Variants in UNC13C observed in about 807,000 individuals in gnomAD.
UNC13C encodes the protein protein unc-13 homolog C.
In UNC13C, 174 loss-of-function variants were observed where a neutral mutation model predicts 245.4. The ratio of observed to expected loss-of-function variants is 0.71; its 90% CI spans 0.63 to 0.80. The LOEUF is 0.80. Among genes scored for constraint, UNC13C ranks in the 30% least tolerant of loss-of-function variants. The pLI, the probability that UNC13C is intolerant of heterozygous loss-of-function variation, is 0.00. For synonymous variants in UNC13C, 992 were observed against 895.1 expected, an observed-to-expected ratio of 1.11 and a Z score of -1.93; for missense variants, 2,829 against 2,602.9, an observed-to-expected ratio of 1.09 and a Z score of -1.89.
intron 14 of UNC13C, 133 bp from the exon 15 acceptor site, chr15:54,331,910 T>C (rs913579484): frequency 1.1e-5 from 6 of 546,562 alleles, no homozygotes. Context: ...ATAGTAACTT[T>C]ATGATCTTGG....
At chr15:54,064,983 T>A (rs1300388164) in intron 2 of UNC13C, among the ~76,000 whole-genome samples, 1 of 152,246 alleles carries the variant, frequency 6.6e-6, no homozygotes, top group African/African-American at 2.4e-5. Flanking sequence ...ATATTACTTT[T>A]GTTATAGAAA....
chr15:54,470,146 T>G (rs1892383976), intron 19 of UNC13C, among the ~76,000 whole-genome samples: 1 of 151,682 alleles, frequency 6.6e-6, no homozygotes, highest in Admixed American at 6.6e-5. Context: ...AATGTACTGC[T>G]GAATATAGTT....
intron 2 of UNC13C, among the ~76,000 whole-genome samples, chr15:54,088,425 C>T (rs560352981): frequency 6.6e-6 from 1 of 152,178 alleles, no homozygotes; most frequent in Non-Finnish European, 1.5e-5. Flanking sequence ...GTTTTTAATC[C>T]ACATCGGTGA....
chr15:54,474,284 A>T (rs1230951517), intron 19 of UNC13C, among the ~76,000 whole-genome samples: 4 of 152,026 alleles, frequency 2.6e-5, no homozygotes, highest in Non-Finnish European at 4.4e-5. Context: ...ACTAATTTAC[A>T]TTCCTACCAA....
Position 54,522,490 on chromosome 15 carries a change from AAAC to A in UNC13C, c.5458-3038_5458-3036del, listed in dbSNP as rs372205345. ...GAGATTCTGTCTCAAAAACAAAACA[AAAC>A]AACAACAACAACAACAACAAAAAGT... On this transcript the variant is annotated intron_variant, in intron 24 of 32. Transcript: ENST00000260323. 5.9e-5 allele frequency among the ~76,000 whole-genome samples: 9 copies of A among 151,814 alleles called. No individual in the cohort carries two copies. The South Asian group carries it at 6.2e-4, about 11-fold the overall frequency.
intron 2 of UNC13C, chr15:54,049,477 G>A: frequency 5.2e-6 from 2 of 382,956 alleles, no homozygotes; most frequent in Admixed American, 7.4e-5. Flanking sequence ...AACTAAGTGT[G>A]CAGAGTTCAA....
chr15:54,203,826 A>ATTTATATACACATTC, intron 4 of UNC13C, among the ~76,000 whole-genome samples: 1 of 147,838 alleles, frequency 6.8e-6, no homozygotes, highest in African/African-American at 2.5e-5. Flanking sequence ...ATATACGTGT[A>ATTTATATACACATTC]TGTATATACA....
At chr15:54,366,944 A>G (rs1250251095) in intron 17 of UNC13C, among the ~76,000 whole-genome samples, 2 of 152,132 alleles carry the variant, frequency 1.3e-5, no homozygotes, top group African/African-American at 4.8e-5. Context: ...TAGACCAGGA[A>G]TTGTTGAGCT....
chr15:54,235,758 G>A (rs1323789815), intron 5 of UNC13C, among the ~76,000 whole-genome samples: 1 of 152,170 alleles, frequency 6.6e-6, no homozygotes. Flanking sequence ...GGCTGAGGCA[G>A]GAGAATGGCG....
At chr15:53,920,809 AC>A in the UNC13C span, among the ~76,000 whole-genome samples, 2 of 150,288 alleles carry the variant, frequency 1.3e-5, no homozygotes, top group African/African-American at 2.5e-5. Context: ...TAGAACAGTG[AC>A]CAAAAAGACA....
chr15:54,053,810 T>G (rs1897376915), intron 2 of UNC13C, among the ~76,000 whole-genome samples: 1 of 152,186 alleles, frequency 6.6e-6, no homozygotes, highest in African/African-American at 2.4e-5. Context: ...TCCTAGCTTC[T>G]GGTAACCACC....
intron 4 of UNC13C, among the ~76,000 whole-genome samples, chr15:54,190,409 G>T (rs977164628): frequency 2.6e-5 from 4 of 152,066 alleles, no homozygotes; most frequent in African/African-American, 9.7e-5. Flanking sequence ...TCCTTAGGGA[G>T]AGCTCACTTT....
chr15:54,505,173 CCT>C (rs1894415874), intron 22 of UNC13C, among the ~76,000 whole-genome samples: 1 of 152,080 alleles, frequency 6.6e-6, no homozygotes, highest in Non-Finnish European at 1.5e-5. Flanking sequence ...CTGTTTGTTC[CCT>C]CTGTCTGCAC....
At chr15:54,594,209 C>T (rs146142325) in intron 30 of UNC13C, among the ~76,000 whole-genome samples, 341 of 152,226 alleles carry the variant, frequency 2.2e-3, no homozygotes, top group African/African-American at 7.8e-3. Context: ...TGGATACCAG[C>T]GCCTGTTCCA....
At chr15:54,090,971 A>T (rs1899537747) in intron 2 of UNC13C, among the ~76,000 whole-genome samples, 1 of 150,098 alleles carries the variant, frequency 6.7e-6, no homozygotes, top group Non-Finnish European at 1.5e-5. Flanking sequence ...GAGAGATGAG[A>T]TGCTCTTGGT....
rs550503954 is a variant in UNC13C, at chr15:54,051,215, C to A, written c.2983+35329C>A. Among the ~76,000 whole-genome samples, 3 of 152,018 alleles carry A rather than the reference C, an allele frequency of 2.0e-5. No individual in the cohort carries two copies. In the South Asian group the frequency reaches 6.2e-4, roughly 32 times the overall value. On this transcript the variant is annotated intron_variant, in intron 2 of 32. Transcript: ENST00000260323. ...TCAGGTTATAAAGGAATGGATCCAA[C>A]TTTTTTTTCTAATATTTTTATAACT...
At chr15:54,247,517 G>A (rs546724383) in intron 7 of UNC13C, among the ~76,000 whole-genome samples, 13 of 152,004 alleles carry the variant, frequency 8.6e-5, no homozygotes, top group East Asian at 1.9e-4. Flanking sequence ...GAGTGTTTTC[G>A]TATGGCATTT....
At chr15:54,521,057 G>A (rs1895195567) in intron 24 of UNC13C, among the ~76,000 whole-genome samples, 1 of 152,172 alleles carries the variant, frequency 6.6e-6, no homozygotes, top group Admixed American at 6.5e-5. Context: ...AAGGGAAAGA[G>A]ATAATTGATG....
chr15:53,998,232 A>G (rs932736488), intron 1 of UNC13C, among the ~76,000 whole-genome samples: 4 of 152,200 alleles, frequency 2.6e-5, no homozygotes, highest in African/African-American at 7.2e-5. Context: ...TATTAAATCT[A>G]TAGATCACTT....
Sources: gnomAD v4.1 joint callset for allele counts (sites outside exome capture counted in the v4.1 genomes callset) on GRCh38, gnomAD v4.1.1 for gene constraint, MANE v1.5 for transcripts, NCBI Gene and HGNC (gene_info 2026-07-23, HGNC 2026-07-21) for gene names.